DKK3: variants seen among roughly 807,000 people sequenced by gnomAD.
DKK3 encodes dickkopf Wnt signaling pathway inhibitor 3, also known as dickkopf-related protein 3.
Under a neutral mutation model 33.2 loss-of-function variants are expected in DKK3, and 22 were observed. The ratio of observed to expected loss-of-function variants is 0.66; its 90% CI spans 0.47 to 0.95. The LOEUF is 0.95. Ranked by LOEUF, DKK3 falls within the 40% of genes least tolerant of loss-of-function variation. DKK3 has a pLI of 0.00. For missense variants in DKK3, 398 were observed against 458.4 expected (o/e 0.87, Z 1.20); for synonymous variants, 194 against 188.8 (o/e 1.03, Z -0.23).
chr11:11,971,836 A>G (rs1847731669), intron 3 of DKK3, among the ~76,000 whole-genome samples: 1 of 152,216 alleles, frequency 6.6e-6, no homozygotes, highest in South Asian at 2.1e-4. Context: ...GTACGGAAAA[A>G]AAATTTTGGC....
At chr11:11,984,107 T>G in intron 3 of DKK3, among the ~76,000 whole-genome samples, 1 of 152,174 alleles carries the variant, frequency 6.6e-6, no homozygotes, top group East Asian at 1.9e-4. Context: ...CTTTTTAAAA[T>G]AAGGGGTCTT....
chr11:11,984,669 A>AG (rs1450258176), intron 3 of DKK3, among the ~76,000 whole-genome samples: 8 of 151,278 alleles, frequency 5.3e-5, no homozygotes, highest in Admixed American at 1.3e-4. Context: ...AAAAAAAAAA[A>AG]AAAGAAAAAG....
Position 11,967,007 on chromosome 11 carries a change from A to G in DKK3, c.620T>C (p.Ile207Thr). 1 of 1,614,060 alleles carries G rather than the reference A, an allele frequency of 6.2e-7. No individual in the cohort carries two copies. The highest frequency in any genetic ancestry group is 8.5e-7 in the Non-Finnish European group (1 of 1,180,016). Residue 207 changes from isoleucine (I) to threonine (T), a missense_variant, in exon 5 of 7, where the codon ATC (isoleucine) becomes ACC (threonine). By Grantham distance (89) the Ile-to-Thr change is moderately conservative. Transcript: ENST00000683431. ...KMATRGSNGT[I>T]CDNQRDCQPG... ...CTGGCAGTCCCTCTGGTTGTCACAG[A>G]TGGTCCCATTGCTGCCCCTGGTGGC...
At chr11:11,987,473 TG>T (rs1482387477) in intron 3 of DKK3, among the ~76,000 whole-genome samples, 1 of 152,178 alleles carries the variant, frequency 6.6e-6, no homozygotes, top group Non-Finnish European at 1.5e-5. Context: ...GAAGCAGGGG[TG>T]GAACACAGGT....
chr11:11,991,225 C>T (rs936959031), intron 3 of DKK3, among the ~76,000 whole-genome samples: 1 of 152,184 alleles, frequency 6.6e-6, no homozygotes, highest in African/African-American at 2.4e-5. Context: ...TTCAAGGCCA[C>T]CGCCTAGAAA....
chr11:11,965,784 G>A, intron 6 of DKK3, 25 bp downstream of exon 6: 2 of 1,610,730 alleles, frequency 1.2e-6, no homozygotes, highest in Middle Eastern at 1.7e-4. Context: ...TTGGCTCCCT[G>A]AGAGTGAGGG....
chr11:11,994,800 C>G (rs1311161955), intron 3 of DKK3: 2 of 152,212 alleles, frequency 1.3e-5, no homozygotes, highest in Admixed American at 1.3e-4. Context: ...CGCTTGGTCT[C>G]TCTGGGCTTG....
intron 1 of DKK3, among the ~76,000 whole-genome samples, chr11:12,006,639 T>C (rs1044956510): frequency 2.0e-5 from 3 of 152,194 alleles, no homozygotes; most frequent in Admixed American, 2.0e-4. Context: ...GCTGGGGTCT[T>C]GGCAAAATCC....
chr11:11,988,617 T>G (rs1301563689), intron 3 of DKK3, among the ~76,000 whole-genome samples: 1 of 152,034 alleles, frequency 6.6e-6, no homozygotes, highest in Non-Finnish European at 1.5e-5. Flanking sequence ...CTCTTGGGAG[T>G]CTGGAGCCCC....
intron 3 of DKK3, among the ~76,000 whole-genome samples, chr11:11,981,185 C>G (rs1233408363): frequency 6.6e-6 from 1 of 152,150 alleles, no homozygotes; most frequent in African/African-American, 2.4e-5. Flanking sequence ...TAAGAGGCAA[C>G]ATAGCTTCCA....
At chr11:11,972,363 C>T in intron 3 of DKK3, among the ~76,000 whole-genome samples, 1 of 152,232 alleles carries the variant, frequency 6.6e-6, no homozygotes, top group East Asian at 1.9e-4. Flanking sequence ...TCCACCAAAG[C>T]TTGACATCTC....
chr11:11,998,719 C>T lies in DKK3; in HGVS notation c.412G>A (p.Asp138Asn), dbSNP rs765767133. 2 of 1,614,226 alleles carry T rather than the reference C, an allele frequency of 1.2e-6. No homozygotes were observed. Among genetic ancestry groups the T allele is most frequent in the East Asian group, 2.2e-5 (1 of 44,892 alleles). The change falls in exon 3 of 7, where the codon GAC (aspartate) becomes AAC (asparagine). Residue 138 changes from aspartate (D) to asparagine (N), a missense_variant. Physicochemically the swap from Asp to Asn is conservative, Grantham distance 23. Transcript: ENST00000683431. ...ACGTGGCTCCTTCTGCCTTCTTCGT[C>T]TCCCACAGATGTGATAACTGTCTCT... The part of the protein sequence containing the change: ...FSETVITSVG[D>N]EEGRRSHECI...
Position 11,965,909 on chromosome 11 carries a change from G to T in DKK3, c.730C>A (p.Pro244Thr). 1 of 1,614,054 alleles carries T rather than the reference G, an allele frequency of 6.2e-7. No homozygotes were observed. The highest frequency in any genetic ancestry group is 1.1e-5 in the South Asian group (1 of 91,080). ...ATGAGGTCCAGAAGCCGGCTGGCGG[G>T]GTCATGGCAAAGCTCGCCCTCCACG... The part of the protein sequence containing the change: ...LPVEGELCHD[P>T]ASRLLDLITW... Residue 244 changes from proline to threonine, a missense_variant, in exon 6 of 7, where the codon CCC (proline) becomes ACC (threonine). Physicochemically the swap from Pro to Thr is conservative, Grantham distance 38 (BLOSUM62 -1). Coordinates refer to ENST00000683431, the MANE Select transcript of DKK3 (RefSeq NM_001018057.2).
intron 1 of DKK3, among the ~76,000 whole-genome samples, chr11:12,003,094 A>T (rs769873699): frequency 6.6e-6 from 1 of 152,248 alleles, no homozygotes; most frequent in Non-Finnish European, 1.5e-5. Flanking sequence ...ACCTGCTTGC[A>T]GGCATACCGT....
chr11:11,969,818 G>T (rs921230350), intron 3 of DKK3, among the ~76,000 whole-genome samples: 1 of 152,208 alleles, frequency 6.6e-6, no homozygotes, highest in Non-Finnish European at 1.5e-5. Context: ...CAGCAACCAG[G>T]GTGCTCCCTT....
chr11:11,985,729 G>T (rs906767579), intron 3 of DKK3, among the ~76,000 whole-genome samples: 1 of 152,212 alleles, frequency 6.6e-6, no homozygotes, highest in Admixed American at 6.5e-5. Flanking sequence ...TTGTAGGTGG[G>T]TTTGGTAAGA....
At chr11:12,007,683 G>A (rs1278600993) in intron 1 of DKK3, among the ~76,000 whole-genome samples, 1 of 152,226 alleles carries the variant, frequency 6.6e-6, no homozygotes, top group Non-Finnish European at 1.5e-5. Flanking sequence ...ACAGGAAACT[G>A]AGGTGCAGGA....
At chr11:11,990,466 C>G (rs1848163942) in intron 3 of DKK3, among the ~76,000 whole-genome samples, 1 of 152,238 alleles carries the variant, frequency 6.6e-6, no homozygotes, top group Non-Finnish European at 1.5e-5. Flanking sequence ...CAGGATTAAG[C>G]AAAGCTCCAT....
chr11:11,990,046 A>C (rs1333631328), intron 3 of DKK3, among the ~76,000 whole-genome samples: 1 of 152,186 alleles, frequency 6.6e-6, no homozygotes, highest in Non-Finnish European at 1.5e-5. Context: ...AACAAAATGG[A>C]CTCAATGAGT....
Sources: allele counts gnomAD v4.1 joint callset (sites outside exome capture counted in the v4.1 genomes callset), GRCh38; gene constraint gnomAD v4.1.1; transcripts MANE v1.5; gene names NCBI Gene and HGNC (gene_info 2026-07-23, HGNC 2026-07-21).